Variants in LUZP2 observed in about 807,000 individuals in gnomAD.
LUZP2 encodes the protein leucine zipper protein 2.
Under a neutral mutation model 51.6 loss-of-function variants are expected in LUZP2, and 52 were observed. The observed-to-expected ratio is 1.01, with a 90% CI of 0.81 to 1.27. The LOEUF (loss-of-function observed/expected upper bound fraction) is 1.27, where lower values mean the gene tolerates loss of function less well. LUZP2 is among the 50% of genes most tolerant of loss of function. The pLI, the probability that LUZP2 is intolerant of heterozygous loss-of-function variation, is 0.00. For synonymous variants in LUZP2, 154 were observed against 137.3 expected (o/e 1.12, Z -0.85); for missense variants, 436 against 395.4 (o/e 1.10, Z -0.87).
intron 1 of LUZP2, among the ~76,000 whole-genome samples, chr11:24,529,912 A>G (rs1472160301): frequency 6.6e-6 from 1 of 151,022 alleles, no homozygotes; most frequent in Non-Finnish European, 1.5e-5. Context: ...TCTCTATTTT[A>G]TGATTAACAA....
intron 5 of LUZP2, among the ~76,000 whole-genome samples, chr11:24,902,778 A>T (rs1279922874): frequency 6.6e-6 from 1 of 152,154 alleles, no homozygotes; most frequent in South Asian, 2.1e-4. Flanking sequence ...ATCATTTTTG[A>T]AGGATAAAAG....
chr11:25,026,196 A>C (rs747257711), intron 9 of LUZP2, among the ~76,000 whole-genome samples: 13 of 151,998 alleles, frequency 8.6e-5, no homozygotes, highest in Non-Finnish European at 1.6e-4. Flanking sequence ...AATGTACATA[A>C]TGAGTTAATG....
In LUZP2 at chr11:25,082,034, T is replaced by C. The variant is rs192799017; in HGVS notation, c.*3376T>C. Reference sequence around the variant, plus strand: ...ATGTAAACTGAACCTGTTCCTAAAATGCATTAAACTTGAATGCTGTGTCTA... The same window carrying C: ...ATGTAAACTGAACCTGTTCCTAAAACGCATTAAACTTGAATGCTGTGTCTA... On this transcript the variant is annotated 3_prime_UTR_variant, in exon 12 of 12. Transcript: ENST00000336930. 1.2e-3 allele frequency: 190 copies of C among 152,524 alleles called. 1 individual carries two copies. The highest frequency in any genetic ancestry group is 4.4e-3 in the African/African-American group (184 of 41,582). The allele number at this position is 152,524 out of a possible 1,614,324, so 9.4% of individuals were successfully genotyped here.
intron 7 of LUZP2, among the ~76,000 whole-genome samples, chr11:24,932,269 C>T (rs1417259859): frequency 1.3e-5 from 2 of 152,168 alleles, no homozygotes; most frequent in East Asian, 3.9e-4. Context: ...AAGAGATCAT[C>T]AGCTGCAGTA....
intron 5 of LUZP2, among the ~76,000 whole-genome samples, chr11:24,778,461 T>G (rs1447053187): frequency 6.6e-6 from 1 of 152,050 alleles, no homozygotes; most frequent in Non-Finnish European, 1.5e-5. Context: ...ATACAATTTG[T>G]AATAACCTTA....
At chr11:24,863,874 T>A (rs1333988769) in intron 5 of LUZP2, among the ~76,000 whole-genome samples, 1 of 152,174 alleles carries the variant, frequency 6.6e-6, no homozygotes, top group Non-Finnish European at 1.5e-5. Context: ...ATATCATAAT[T>A]GAGATTCATA....
intron 2 of LUZP2, among the ~76,000 whole-genome samples, chr11:24,729,919 A>G (rs530846841): frequency 6.6e-6 from 1 of 151,986 alleles, no homozygotes; most frequent in South Asian, 2.1e-4. Flanking sequence ...ATCCCTTGTT[A>G]CACATGAGAG....
chr11:24,507,632 C>T (rs190561828), intron 1 of LUZP2, among the ~76,000 whole-genome samples: 3 of 152,112 alleles, frequency 2.0e-5, no homozygotes, highest in African/African-American at 4.8e-5. Flanking sequence ...TTAACTTTCT[C>T]TCCCTCCCTA....
At position 24,650,053 on chromosome 11, in the gene LUZP2, T is replaced by C. The variant is rs73434976; in HGVS notation, c.63-79116T>C. ...TTACTTCTGCTGATCATCCTATATC[T>C]GTTCCAAGCTATTAAGGCCTTCTTG... On this transcript the variant is annotated intron_variant, in intron 1 of 11. Transcript: ENST00000336930. Among the ~76,000 whole-genome samples, 640 of 151,778 alleles carry C rather than the reference T, an allele frequency of 4.2e-3. 5 individuals carry two copies. Among genetic ancestry groups the C allele is most frequent in the African/African-American group, 0.014 (591 of 41,448 alleles).
chr11:24,802,566 G>A (rs910911664), intron 5 of LUZP2, among the ~76,000 whole-genome samples: 1 of 151,392 alleles, frequency 6.6e-6, no homozygotes, highest in Admixed American at 6.6e-5. Context: ...TATTCATAAT[G>A]TTGTGAACCC....
intron 1 of LUZP2, among the ~76,000 whole-genome samples, chr11:24,561,112 T>C (rs1852026226): frequency 1.3e-5 from 2 of 152,168 alleles, no homozygotes; most frequent in Admixed American, 1.3e-4. Context: ...TGAAAGCCTA[T>C]TATATATTTC....
At chr11:24,783,347 C>T (rs1481776624) in intron 5 of LUZP2, among the ~76,000 whole-genome samples, 1 of 151,800 alleles carries the variant, frequency 6.6e-6, no homozygotes, top group Non-Finnish European at 1.5e-5. Flanking sequence ...AATTACACTT[C>T]ATTTTTTTTT....
chr11:24,646,516 T>C (rs1307726341), intron 1 of LUZP2: 2 of 856,394 alleles, frequency 2.3e-6, no homozygotes, highest in African/African-American at 1.8e-5. Flanking sequence ...TTTACAGCCC[T>C]GCTTTCCTAA....
intron 1 of LUZP2, among the ~76,000 whole-genome samples, chr11:24,624,454 C>T (rs1402596120): frequency 6.6e-6 from 1 of 151,976 alleles, no homozygotes; most frequent in Non-Finnish European, 1.5e-5. Flanking sequence ...TCTATTATTT[C>T]AAGAGCATAT....
intron 1 of LUZP2, among the ~76,000 whole-genome samples, chr11:24,518,780 T>A (rs977344413): frequency 6.6e-6 from 1 of 152,176 alleles, no homozygotes; most frequent in African/African-American, 2.4e-5. Context: ...GTTTGCAAAC[T>A]GGGAAGACTG....
At chr11:24,519,613 A>G (rs1461649062) in intron 1 of LUZP2, among the ~76,000 whole-genome samples, 3 of 151,990 alleles carry the variant, frequency 2.0e-5, no homozygotes, top group Non-Finnish European at 4.4e-5. Context: ...CCTTTCATCC[A>G]GGATACAGCT....
intron 5 of LUZP2, among the ~76,000 whole-genome samples, chr11:24,769,023 G>T (rs1415650074): frequency 6.6e-6 from 1 of 152,104 alleles, no homozygotes; most frequent in Non-Finnish European, 1.5e-5. Context: ...TAAAAATGTG[G>T]TATATATAAA....
At chr11:24,803,426 A>G (rs1318588537) in intron 5 of LUZP2, among the ~76,000 whole-genome samples, 4 of 152,124 alleles carry the variant, frequency 2.6e-5, no homozygotes, top group East Asian at 1.9e-4. Flanking sequence ...GAATCCTTGC[A>G]CACTCTAAAG....
chr11:24,962,519 C>T (rs1301785739), intron 7 of LUZP2, among the ~76,000 whole-genome samples: 1 of 152,174 alleles, frequency 6.6e-6, no homozygotes, highest in Non-Finnish European at 1.5e-5. Context: ...TTCATTTCAT[C>T]TTCCATCACT....
Sources: gnomAD v4.1 joint callset for allele counts (sites outside exome capture counted in the v4.1 genomes callset) on GRCh38, gnomAD v4.1.1 for gene constraint, MANE v1.5 for transcripts, NCBI Gene and HGNC (gene_info 2026-07-23, HGNC 2026-07-21) for gene names.